The following TTC39B variants were observed in gnomAD, a reference collection of about 807,000 sequenced individuals.
The protein encoded by TTC39B is tetratricopeptide repeat protein 39B.
TTC39B carries 92 observed loss-of-function variants against 96.6 expected under a neutral mutation model. The observed-to-expected ratio is 0.95, with a 90% CI of 0.80 to 1.13. TTC39B has a LOEUF of 1.13. TTC39B is among the 50% of genes most tolerant of loss of function. The pLI, the probability that TTC39B is intolerant of heterozygous loss-of-function variation, is 0.00. For synonymous variants in TTC39B, 367 were observed against 299.4 expected (o/e 1.23, Z -2.33); for missense variants, 955 against 809.3 (o/e 1.18, Z -2.18).
intron 1 of TTC39B, among the ~76,000 whole-genome samples, chr9:15,296,340 G>A (rs952346984): frequency 6.6e-6 from 1 of 152,130 alleles, no homozygotes; most frequent in East Asian, 1.9e-4. Context: ...ACAGGCATCC[G>A]TTTAAAACTG....
chr9:15,215,850 C>T (rs577012840), intron 3 of TTC39B, among the ~76,000 whole-genome samples: 12 of 152,134 alleles, frequency 7.9e-5, no homozygotes, highest in African/African-American at 2.4e-4. Context: ...GGCAACAGAA[C>T]GAGACGCTAT....
chr9:15,304,229 G>A (rs188169761), intron 1 of TTC39B, among the ~76,000 whole-genome samples: 22 of 152,268 alleles, frequency 1.4e-4, no homozygotes, highest in African/African-American at 4.3e-4. Flanking sequence ...CCATCTCTAC[G>A]TTATAAATTT....
chr9:15,185,582 TC>T, intron 15 of TTC39B, 176 bp from the exon 16 acceptor site: 1 of 911,216 alleles, frequency 1.1e-6, no homozygotes, highest in Non-Finnish European at 1.6e-6. Flanking sequence ...AATCAGCAAC[TC>T]CAGGGCCGGG....
chr9:15,185,500 C>T (rs749925454), intron 15 of TTC39B, 94 bp from the exon 16 acceptor site: 152 of 1,476,336 alleles, frequency 1.0e-4, no homozygotes, highest in Non-Finnish European at 1.4e-4. Context: ...CACAGACCAC[C>T]AGCAGCAGCA....
At chr9:15,185,478 C>T in intron 15 of TTC39B, 72 bp from the exon 16 acceptor site, 8 of 1,589,434 alleles carry the variant, frequency 5.0e-6, no homozygotes, top group Non-Finnish European at 6.8e-6. Flanking sequence ...CTGTGGTTTT[C>T]ACAGTGAACT....
At chr9:15,246,994 CT>C (rs745950951) in intron 2 of TTC39B, among the ~76,000 whole-genome samples, 1 of 152,254 alleles carries the variant, frequency 6.6e-6, no homozygotes, top group African/African-American at 2.4e-5. Context: ...AATAACATTA[CT>C]GCATCATGAG....
At chr9:15,185,671 A>T (rs971796235) in intron 15 of TTC39B, 7 of 364,864 alleles carry the variant, frequency 1.9e-5, no homozygotes, top group African/African-American at 1.5e-4. Context: ...TGACTGACAC[A>T]TATTTCTTTC....
rs139927771 is a variant in TTC39B at position 15,292,734 on chromosome 9, G to A, written c.240+14350C>T. 1.1e-3 allele frequency among the ~76,000 whole-genome samples: 175 copies of A among 152,192 alleles called. 1 individual carries two copies. Among genetic ancestry groups the A allele is most frequent in the African/African-American group, 3.9e-3 (160 of 41,526 alleles). ...GTTCTTAAAAAAAGTTTACAAGTAA[G>A]AGTAAAAAACTTTTAAAATAGAAAA... On this transcript the variant is annotated intron_variant, in intron 1 of 19. Transcript: ENST00000512701.
intron 1 of TTC39B, 112 bp from the exon 2 acceptor site, chr9:15,268,060 G>T: frequency 1.2e-6 from 1 of 835,598 alleles, no homozygotes; most frequent in Non-Finnish European, 1.9e-6. Context: ...CTGGCAGGAA[G>T]GTATAGCAGG....
intron 2 of TTC39B, among the ~76,000 whole-genome samples, chr9:15,238,526 C>G (rs1453328314): frequency 6.6e-6 from 1 of 152,128 alleles, no homozygotes; most frequent in Non-Finnish European, 1.5e-5. Context: ...AGAACTGAAT[C>G]CCATTTATGT....
intron 2 of TTC39B, among the ~76,000 whole-genome samples, chr9:15,247,056 G>C (rs1280011857): frequency 6.6e-6 from 1 of 152,210 alleles, no homozygotes; most frequent in Non-Finnish European, 1.5e-5. Context: ...ACTAGAAATA[G>C]TGTCCAGTTT....
intron 2 of TTC39B, among the ~76,000 whole-genome samples, chr9:15,232,919 C>T (rs1333319098): frequency 2.0e-5 from 3 of 152,244 alleles, no homozygotes; most frequent in Non-Finnish European, 4.4e-5. Context: ...GAGACGACGG[C>T]GGCCGCTCAG....
In TTC39B at chr9:15,279,836, C is replaced by A. The variant is rs549417771; in HGVS notation, c.241-11888G>T. Among the ~76,000 whole-genome samples the A allele has an allele frequency of 2.0e-5, 3 of 151,856 alleles. No individual in the cohort carries two copies. The South Asian group carries it at 6.3e-4, about 32-fold the overall frequency. On this transcript the variant is annotated intron_variant, in intron 1 of 19. Coordinates refer to ENST00000512701, the Ensembl canonical transcript of TTC39B. ...TGGTGTCAGGAAACTACAAACAGGG[C>A]CAAATTCCACCTGCTGCCTTTTCTT...
intron 11 of TTC39B, 58 bp downstream of exon 11, chr9:15,190,496 A>C (rs475932): frequency 0.94 from 1,410,410 of 1,506,144 alleles, 660,864 homozygotes; most frequent in East Asian, 1. Flanking sequence ...CAGGTGTAAC[A>C]CACCATGTCT....
Position 15,306,662 on chromosome 9 carries a change from C to G in TTC39B, c.240+422G>C, listed in dbSNP as rs1390155322. Among the ~76,000 whole-genome samples, 1 of 152,224 alleles carries G rather than the reference C, an allele frequency of 6.6e-6. No homozygotes were observed. Among genetic ancestry groups the G allele is most frequent in the Non-Finnish European group, 1.5e-5 (1 of 68,036 alleles). ...AAACTTCCATAGAAGGTGAGATTCCCAGGTCGAGGGATGATTCCACGAACA... is the reference window on the plus strand; with the variant it reads ...AAACTTCCATAGAAGGTGAGATTCCGAGGTCGAGGGATGATTCCACGAACA... On this transcript the variant is annotated intron_variant, in intron 1 of 19. Transcript: ENST00000512701. The surrounding 1 kb of genome is among the most constrained non-coding windows in gnomAD (Gnocchi z 5.1).
intron 1 of TTC39B, among the ~76,000 whole-genome samples, chr9:15,273,680 C>A (rs1435908709): frequency 2.0e-5 from 3 of 152,022 alleles, no homozygotes; most frequent in African/African-American, 7.3e-5. Flanking sequence ...GTGCCCACCC[C>A]CACACAACCA....
intron 1 of TTC39B, among the ~76,000 whole-genome samples, chr9:15,288,461 T>C (rs1243178770): frequency 5.3e-5 from 8 of 151,704 alleles, no homozygotes; most frequent in Admixed American, 5.3e-4. Context: ...TCGAGAGGAG[T>C]TCAGCTGGGG....
At chr9:15,274,981 T>C (rs77057506) in intron 1 of TTC39B, among the ~76,000 whole-genome samples, 2,206 of 152,196 alleles carry the variant, frequency 0.014, 51 homozygotes, top group African/African-American at 0.05. Flanking sequence ...GTAGGATTAA[T>C]ATAGTTCCCT....
intron 1 of TTC39B, among the ~76,000 whole-genome samples, chr9:15,301,428 T>G (rs548609185): frequency 9.8e-5 from 15 of 152,314 alleles, no homozygotes; most frequent in African/African-American, 2.9e-4. Flanking sequence ...TGTTAGGACC[T>G]GCCAGGCGTT....
Sources: allele counts gnomAD v4.1 joint callset (sites outside exome capture counted in the v4.1 genomes callset), GRCh38; gene constraint gnomAD v4.1.1; non-coding constraint Gnocchi (gnomAD v3.1); transcripts MANE v1.5; gene names NCBI Gene and HGNC (gene_info 2026-07-23, HGNC 2026-07-21).